The following OPCML variants were observed in gnomAD, a reference collection of about 807,000 sequenced individuals.
OPCML encodes opioid-binding protein/cell adhesion molecule.
OPCML carries 13 observed loss-of-function variants against 37.8 expected under a neutral mutation model. The ratio of observed to expected loss-of-function variants is 0.34; its 90% confidence interval spans 0.22 to 0.55. OPCML has a LOEUF of 0.55. Among genes scored for constraint, OPCML ranks in the 20% least tolerant of loss-of-function variants. The probability of loss-of-function intolerance (pLI) is 0.91; values close to 1 mark genes in which losing one functional copy is unlikely to be tolerated. For synonymous variants in OPCML, 176 were observed against 168.8 expected, an observed-to-expected ratio of 1.04 and a Z score of -0.33; for missense variants, 341 against 435.6, an observed-to-expected ratio of 0.78 and a Z score of 1.93.
intron 2 of OPCML, among the ~76,000 whole-genome samples, chr11:132,898,336 G>T (rs1943924501): frequency 6.6e-6 from 1 of 152,118 alleles, no homozygotes; most frequent in Non-Finnish European, 1.5e-5. Flanking sequence ...CAATGCTTCT[G>T]CCAATACTAC....
At chr11:133,454,640 A>C (rs367572784) in intron 1 of OPCML, among the ~76,000 whole-genome samples, 174 of 152,344 alleles carry the variant, frequency 1.1e-3, no homozygotes, top group African/African-American at 4.0e-3. Context: ...TCCAGAGAAT[A>C]GAATAAAAGA....
chr11:133,413,534 A>G (rs76248129), intron 1 of OPCML, among the ~76,000 whole-genome samples: 12,984 of 152,048 alleles, frequency 0.085, 1,620 homozygotes, highest in African/African-American at 0.27. Flanking sequence ...AAAGAAATAG[A>G]ACAGGATTTA....
At chr11:133,049,093 TC>T (rs1181542844) in intron 1 of OPCML, among the ~76,000 whole-genome samples, 1 of 152,230 alleles carries the variant, frequency 6.6e-6, no homozygotes, top group Admixed American at 6.5e-5. Context: ...GGCACAAATA[TC>T]CCTGCCCCTG....
chr11:133,499,859 CAT>C (rs1165126457), intron 1 of OPCML, among the ~76,000 whole-genome samples: 44 of 122,142 alleles, frequency 3.6e-4, no homozygotes, highest in Middle Eastern at 4.1e-3. Context: ...TATACATACA[CAT>C]ATATATATAT....
chr11:133,184,493 G>A lies in OPCML; in HGVS notation c.62-241483C>T, dbSNP rs189699532. ...ACCTTCCGTGGGGAGGGAAGAAGGC[G>A]AGCAAAATCCTGCTGGCTTGAGGAG... On this transcript the variant is annotated intron_variant, in intron 1 of 7. Coordinates refer to ENST00000524381, the MANE Select transcript of OPCML (RefSeq NM_001012393.5). 2.0e-3 allele frequency among the ~76,000 whole-genome samples: 303 copies of A among 152,238 alleles called. No individual in the cohort carries two copies. In the Middle Eastern group the frequency reaches 0.031, roughly 15 times the overall value.
At chr11:133,471,083 T>C (rs900585354) in intron 1 of OPCML, among the ~76,000 whole-genome samples, 2 of 152,150 alleles carry the variant, frequency 1.3e-5, no homozygotes, top group African/African-American at 4.8e-5. Context: ...CATCAGTCTA[T>C]ATGGAAAGAT....
chr11:132,756,955 G>A (rs1342430997), intron 2 of OPCML, among the ~76,000 whole-genome samples: 1 of 152,044 alleles, frequency 6.6e-6, no homozygotes, highest in Non-Finnish European at 1.5e-5. Flanking sequence ...GACAGGCCCT[G>A]ATGTGTGATG....
At chr11:132,703,280 G>T (rs1943902118) in intron 2 of OPCML, among the ~76,000 whole-genome samples, 1 of 152,134 alleles carries the variant, frequency 6.6e-6, no homozygotes, top group Non-Finnish European at 1.5e-5. Context: ...TAACACAAGG[G>T]TAAGTATTCA....
At chr11:133,505,957 T>C (rs1448630252) in intron 1 of OPCML, among the ~76,000 whole-genome samples, 2 of 152,164 alleles carry the variant, frequency 1.3e-5, no homozygotes, top group African/African-American at 4.8e-5. Flanking sequence ...ACCATTTTCT[T>C]CCCCTTGAGA....
At chr11:132,692,279 G>T (rs1943434523) in intron 2 of OPCML, among the ~76,000 whole-genome samples, 1 of 152,008 alleles carries the variant, frequency 6.6e-6, no homozygotes, top group African/African-American at 2.4e-5. Context: ...GTGGGAGAAG[G>T]TTGGTGTGTC....
chr11:133,117,771 T>C (rs1431303312), intron 1 of OPCML: 3 of 980,436 alleles, frequency 3.1e-6, no homozygotes, highest in Non-Finnish European at 3.6e-6. Flanking sequence ...AATGGAATAC[T>C]AAGCAAGAGA....
At chr11:133,303,351 G>A (rs1488512861) in intron 1 of OPCML, among the ~76,000 whole-genome samples, 1 of 152,140 alleles carries the variant, frequency 6.6e-6, no homozygotes, top group African/African-American at 2.4e-5. Context: ...CATTGCATGA[G>A]AAGAGAAACT....
chr11:132,656,267 T>C (rs922690846), intron 3 of OPCML, among the ~76,000 whole-genome samples: 1 of 152,230 alleles, frequency 6.6e-6, no homozygotes, highest in Admixed American at 6.5e-5. Flanking sequence ...AAAATGGTTC[T>C]CAAATTCTTG....
chr11:132,694,821 C>G (rs977335672), intron 2 of OPCML, among the ~76,000 whole-genome samples: 1 of 152,166 alleles, frequency 6.6e-6, no homozygotes, highest in Non-Finnish European at 1.5e-5. Context: ...GCAATTCTCC[C>G]CTTCCTTCCT....
At chr11:133,510,882 C>G (rs991070757) in intron 1 of OPCML, among the ~76,000 whole-genome samples, 4 of 147,704 alleles carry the variant, frequency 2.7e-5, no homozygotes, top group African/African-American at 1.1e-4. Flanking sequence ...ATATGCCAGC[C>G]ACATACACAC....
intron 3 of OPCML, among the ~76,000 whole-genome samples, chr11:132,644,936 T>A (rs1941068462): frequency 6.6e-6 from 1 of 152,238 alleles, no homozygotes; most frequent in Admixed American, 6.5e-5. Context: ...ACTTTTAGTT[T>A]GCAAAATACA....
chr11:133,242,163 G>C (rs995358100), intron 1 of OPCML, among the ~76,000 whole-genome samples: 4 of 152,164 alleles, frequency 2.6e-5, no homozygotes, highest in African/African-American at 9.7e-5. Context: ...GCTAGCCCCT[G>C]TGTGCAGGGT....
chr11:132,573,269 C>A (rs2096442682), intron 3 of OPCML, among the ~76,000 whole-genome samples: 1 of 151,654 alleles, frequency 6.6e-6, no homozygotes, highest in Non-Finnish European at 1.5e-5. Flanking sequence ...GTTATACAAC[C>A]TCCAGGACTA....
At chr11:132,977,651 T>A (rs1946493261) in intron 1 of OPCML, among the ~76,000 whole-genome samples, 1 of 152,228 alleles carries the variant, frequency 6.6e-6, no homozygotes, top group Non-Finnish European at 1.5e-5. Context: ...TGGGAGTTAC[T>A]GTACCCAGCC....
Sources: allele counts gnomAD v4.1 joint callset (sites outside exome capture counted in the v4.1 genomes callset), GRCh38; gene constraint gnomAD v4.1.1; transcripts MANE v1.5; gene names NCBI Gene and HGNC (gene_info 2026-07-23, HGNC 2026-07-21).